Variants in MRPL58 observed in about 807,000 individuals in gnomAD.
MRPL58 encodes the protein large ribosomal subunit protein mL62.
In MRPL58, 17 loss-of-function variants were observed where a neutral mutation model predicts 26.0. The observed-to-expected ratio is 0.65, with a 90% CI of 0.45 to 0.98. MRPL58 has a LOEUF of 0.98. Ranked by LOEUF, MRPL58 falls within the 50% of genes least tolerant of loss-of-function variation. The pLI is 0.00. For missense variants in MRPL58, 250 were observed against 269.0 expected (o/e 0.93, Z 0.49); for synonymous variants, 100 against 99.7 (o/e 1.00, Z -0.02).
At chr17:75,015,723 G>T (rs2144882713) in intron 1 of MRPL58, among the ~76,000 whole-genome samples, 1 of 152,192 alleles carries the variant, frequency 6.6e-6, no homozygotes, top group South Asian at 2.1e-4. Flanking sequence ...CAGACAGGTG[G>T]AGTAGGATAA....
At chr17:75,020,232 A>T in intron 3 of MRPL58, 81 bp from the exon 4 acceptor site, 2 of 1,097,234 alleles carry the variant, frequency 1.8e-6, no homozygotes, top group South Asian at 2.5e-5. Context: ...CCTTTATTTC[A>T]GAATGGTCAC....
Position 75,021,045 on chromosome 17 carries a change from G to C in MRPL58, c.*40G>C, listed in dbSNP as rs186190090. On this transcript the variant is annotated 3_prime_UTR_variant, in exon 6 of 6. Transcript: ENST00000301585. Reference sequence around the variant, plus strand: ...GCTGGGAGGGCTCTTCTGGGCGTCCGGGCAGCTGCAGCTGAGAGGACTTTC... The same window carrying C: ...GCTGGGAGGGCTCTTCTGGGCGTCCCGGCAGCTGCAGCTGAGAGGACTTTC... 1 of 1,383,942 alleles carries C rather than the reference G, an allele frequency of 7.2e-7. No homozygotes were observed. The highest frequency in any genetic ancestry group is 1.0e-6 in the Non-Finnish European group (1 of 970,100). 85.7% of individuals were successfully genotyped at this position (1,383,942 alleles called of 1,614,324 possible). A position where few individuals can be genotyped will look rare whatever the true frequency, so the allele number is the denominator to read the frequency against.
intron 1 of MRPL58, among the ~76,000 whole-genome samples, chr17:75,015,382 G>T (rs2039965666): frequency 1.3e-5 from 2 of 152,220 alleles, no homozygotes; most frequent in Non-Finnish European, 2.9e-5. Context: ...TACTCAGGAG[G>T]CTGAGGCAGG....
At chr17:75,018,731 C>T (rs1164112188) in intron 2 of MRPL58, 2 of 151,896 alleles carry the variant, frequency 1.3e-5, no homozygotes, top group African/African-American at 4.8e-5. Flanking sequence ...AAATTTTTTA[C>T]CTGTCAAGCA....
chr17:75,015,830 C>T (rs2039969944), intron 1 of MRPL58, among the ~76,000 whole-genome samples: 1 of 152,040 alleles, frequency 6.6e-6, no homozygotes, highest in African/African-American at 2.4e-5. Context: ...TGCAGTGTCC[C>T]AGGCAGGAGT....
At chr17:75,014,090 C>T (rs185726683) in intron 1 of MRPL58, among the ~76,000 whole-genome samples, 2 of 151,714 alleles carry the variant, frequency 1.3e-5, no homozygotes, top group East Asian at 3.9e-4. Flanking sequence ...TGGTCAGATC[C>T]TAGACGTATT....
chr17:75,019,760 G>A lies in MRPL58; in HGVS notation c.283+1G>A, dbSNP rs568209056. On this transcript the variant is annotated splice_donor_variant, in intron 3 of 5. Transcript: ENST00000301585. LOFTEE classifies it high-confidence loss of function. Reference sequence around the variant, plus strand: ...CCTGGGGGGCAGAATGTGAACAAAGGTACGGGGTGCCTTGTTGCTTTCTTT... The same window carrying A: ...CCTGGGGGGCAGAATGTGAACAAAGATACGGGGTGCCTTGTTGCTTTCTTT... 50 of 1,597,164 alleles carry A rather than the reference G, an allele frequency of 3.1e-5. 1 individual carries two copies. The East Asian group carries it at 9.7e-4, about 31-fold the overall frequency.
chr17:75,013,305 A>G (rs2039947893), intron 1 of MRPL58, among the ~76,000 whole-genome samples: 1 of 152,188 alleles, frequency 6.6e-6, no homozygotes, highest in Admixed American at 6.5e-5. Context: ...TTCCTTCAGG[A>G]TGCATTTATT....
At position 75,012,806 on chromosome 17, in the gene MRPL58, G is replaced by A. The variant is rs2039941845; in HGVS notation, c.120G>A (p.Lys40=). Reference sequence around the variant, plus strand: ...AGCAGAAAGACGGCACTGAGTTCAAGAGCATCTACAGCCTGGACAAGCTCT... The same window carrying A: ...AGCAGAAAGACGGCACTGAGTTCAAAAGCATCTACAGCCTGGACAAGCTCT... ...LHKQKDGTEF[K]SIYSLDKLYP... The change falls in exon 1 of 6, where the codon AAG becomes AAA. Residue 40 remains lysine (K), a synonymous_variant. Transcript: ENST00000301585. The A allele has an allele frequency of 1.2e-6, 2 of 1,612,224 alleles. No homozygotes were observed. The highest frequency in any genetic ancestry group is 2.7e-5 in the African/African-American group (2 of 74,728).
At chr17:75,020,838 C>T in intron 5 of MRPL58, 83 bp from the exon 6 acceptor site, 1 of 1,272,932 alleles carries the variant, frequency 7.9e-7, no homozygotes, top group Non-Finnish European at 1.1e-6. Flanking sequence ...TGCTCGGCTT[C>T]CCGTTGAGCT....
intron 1 of MRPL58, among the ~76,000 whole-genome samples, chr17:75,014,441 C>CTTTT (rs35929744): frequency 2.1e-4 from 16 of 76,226 alleles, no homozygotes; most frequent in African/African-American, 4.1e-4. Flanking sequence ...CCGCGCCAGG[C>CTTTT]TTTTTTTTTT....
rs1455020298 is a variant in MRPL58 at position 75,020,614 on chromosome 17, C to T, written c.493C>T (p.Pro165Ser). The T allele has an allele frequency of 1.9e-6, 3 of 1,614,126 alleles. No individual in the cohort carries two copies. The South Asian group carries it at 3.3e-5, about 18-fold the overall frequency. Residue 165 changes from proline (P) to serine (S), a missense_variant, in exon 5 of 6, where the codon CCG becomes TCG. Transcript: ENST00000301585. ...RDMITEASQT[P>S]KEPTKEDVKL... ...CATGATCACTGAGGCCAGCCAGACA[C>T]CGAAGGAGCCAACAAAAGAAGATGT...
intron 1 of MRPL58, among the ~76,000 whole-genome samples, chr17:75,015,573 G>A (rs986805865): frequency 6.6e-6 from 1 of 152,018 alleles, no homozygotes; most frequent in African/African-American, 2.4e-5. Flanking sequence ...GTATTTCAAG[G>A]GCATGTCAGT....
intron 1 of MRPL58, 129 bp from the exon 2 acceptor site, chr17:75,016,949 C>A: frequency 1.3e-6 from 1 of 747,372 alleles, no homozygotes; most frequent in East Asian, 2.6e-5. Context: ...TATCATTTTG[C>A]AGGGGACCTG....
chr17:75,019,247 A>AG (rs778841930), intron 2 of MRPL58, among the ~76,000 whole-genome samples: 1 of 152,030 alleles, frequency 6.6e-6, no homozygotes, highest in African/African-American at 2.4e-5. Context: ...ACAGCCTCCT[A>AG]GGGGGAGACA....
At chr17:75,014,380 A>G (rs1308621069) in intron 1 of MRPL58, among the ~76,000 whole-genome samples, 18 of 105,892 alleles carry the variant, frequency 1.7e-4, no homozygotes, top group Admixed American at 3.1e-4. Context: ...TTTAGTAGAG[A>G]GGGGGTTTCA....
intron 2 of MRPL58, among the ~76,000 whole-genome samples, chr17:75,018,081 G>A (rs1410710162): frequency 6.6e-6 from 1 of 152,106 alleles, no homozygotes; most frequent in Non-Finnish European, 1.5e-5. Flanking sequence ...GTGGCCAGTC[G>A]CATCGTACTG....
At position 75,012,710 on chromosome 17, in the gene MRPL58, C is replaced by G; in HGVS notation, c.24C>G (p.Arg8=). 6.4e-7 allele frequency: 1 copy of G among 1,565,988 alleles called. No individual in the cohort carries two copies. The change falls in exon 1 of 6, where the codon CGC becomes CGG. Residue 8 remains arginine, a synonymous_variant. Coordinates refer to ENST00000301585, the MANE Select transcript of MRPL58 (RefSeq NM_001545.3). ...GCATGGCGGCCACCAGGTGCCTGCGCTGGGGCCTGAGCCGAGCCGGAGTCT... is the reference window on the plus strand; with the variant it reads ...GCATGGCGGCCACCAGGTGCCTGCGGTGGGGCCTGAGCCGAGCCGGAGTCT... The part of the protein sequence containing the change: MAATRCL[R]WGLSRAGVWL...
chr17:75,015,907 C>T (rs1292428245), intron 1 of MRPL58, among the ~76,000 whole-genome samples: 2 of 150,260 alleles, frequency 1.3e-5, no homozygotes, highest in Non-Finnish European at 3.0e-5. Context: ...GCCTCAGCCT[C>T]CCCCAGTAGC....
Sources: gnomAD v4.1 joint callset for allele counts (sites outside exome capture counted in the v4.1 genomes callset) on GRCh38, gnomAD v4.1.1 for gene constraint, MANE v1.5 for transcripts, NCBI Gene and HGNC (gene_info 2026-07-23, HGNC 2026-07-21) for gene names.